The following CR1L variants were observed in gnomAD, a reference collection of about 807,000 sequenced individuals.
CR1L encodes complement C3b/C4b receptor 1 like.
A neutral mutation model predicts 62.3 loss-of-function variants in CR1L; 59 were observed. The ratio of observed to expected loss-of-function variants is 0.95; its 90% CI spans 0.77 to 1.18. The LOEUF (loss-of-function observed/expected upper bound fraction) is 1.18, where lower values mean the gene tolerates loss of function less well. Ranked by LOEUF, CR1L falls within the 50% of genes most tolerant of loss-of-function variation. The pLI is 0.00. For synonymous variants in CR1L, 279 were observed against 248.7 expected (o/e 1.12, Z -1.15); for missense variants, 700 against 702.8 (o/e 1.00, Z 0.04).
In CR1L at chr1:207,697,796, C is replaced by A. The variant is rs776535361; in HGVS notation, c.1065C>A (p.Gly355=). 6.2e-7 allele frequency: 1 copy of A among 1,613,994 alleles called. No individual in the cohort carries two copies. The highest frequency in any genetic ancestry group is 1.3e-5 in the African/African-American group (1 of 75,040). The change falls in exon 7 of 12, where the codon GGC becomes GGA. Residue 355 remains glycine, a synonymous_variant. Coordinates refer to ENST00000508064, the MANE Select transcript of CR1L (RefSeq NM_175710.2). ...CEVKSCDDFL[G]QLPNGHVLFP... ...TGAAATCCTGTGATGACTTCCTGGG[C>A]CAACTTCCTAATGGCCATGTGCTAT...
intron 5 of CR1L, among the ~76,000 whole-genome samples, chr1:207,696,451 C>T (rs1396375962): frequency 6.6e-6 from 1 of 152,180 alleles, no homozygotes. Flanking sequence ...GTTTCCATTG[C>T]TAGCAGCCAA....
chr1:207,722,691 C>G (rs1373310136), intron 11 of CR1L, among the ~76,000 whole-genome samples: 2 of 151,610 alleles, frequency 1.3e-5, no homozygotes, highest in Non-Finnish European at 2.9e-5. Context: ...ATGTGAACAC[C>G]CAATAAAAAG....
At chr1:207,701,771 G>A (rs1664196301) in intron 9 of CR1L, 153 bp downstream of exon 9, 1 of 1,068,368 alleles carries the variant, frequency 9.4e-7, no homozygotes, top group Non-Finnish European at 1.4e-6. Flanking sequence ...ACAAAGATAG[G>A]AGAAGATTAG....
intron 8 of CR1L, among the ~76,000 whole-genome samples, chr1:207,699,706 A>C (rs1664162335): frequency 6.6e-6 from 1 of 151,776 alleles, no homozygotes; most frequent in Non-Finnish European, 1.5e-5. Flanking sequence ...TATATATTTG[A>C]TAATACTCAA....
chr1:207,656,347 T>G (rs1002347640), intron 1 of CR1L, among the ~76,000 whole-genome samples: 2 of 152,228 alleles, frequency 1.3e-5, no homozygotes, highest in African/African-American at 2.4e-5. Flanking sequence ...AAAATGGATA[T>G]ATTTAAAAAT....
chr1:207,689,894 A>G (rs556423589), intron 4 of CR1L, among the ~76,000 whole-genome samples: 25 of 152,202 alleles, frequency 1.6e-4, no homozygotes, highest in Non-Finnish European at 5.9e-5. Context: ...GGTTATTAGC[A>G]TAATGCTATT....
chr1:207,663,097 C>A (rs527327156), intron 1 of CR1L, among the ~76,000 whole-genome samples: 71 of 152,332 alleles, frequency 4.7e-4, no homozygotes, highest in Middle Eastern at 6.8e-3. Context: ...GGGTCAGGGA[C>A]CCACTTGAGG....
intron 10 of CR1L, among the ~76,000 whole-genome samples, chr1:207,709,397 C>A (rs1664318197): frequency 6.7e-6 from 1 of 150,352 alleles, no homozygotes; most frequent in South Asian, 2.1e-4. Context: ...CAGAGCAAGA[C>A]CTTGTCTCAA....
intron 1 of CR1L, chr1:207,669,251 G>A (rs762590702): frequency 1.5e-5 from 7 of 463,932 alleles, no homozygotes; most frequent in Admixed American, 7.1e-5. Context: ...TAGAAACAAT[G>A]CAAATGGGGA....
At chr1:207,704,886 C>T (rs1558023792) in intron 9 of CR1L, among the ~76,000 whole-genome samples, 1 of 152,170 alleles carries the variant, frequency 6.6e-6, no homozygotes, top group African/African-American at 2.4e-5. Context: ...TGTTCTGGAA[C>T]TGAACCTGCA....
rs377236004 is a variant in CR1L, at chr1:207,694,346, T to C, written c.464-7T>C. On this transcript the variant is annotated splice_region_variant and splice_polypyrimidine_tract_variant and intron_variant, in intron 4 of 11. Transcript: ENST00000508064. ...TATTTAAATTGACTGTGCTCTTCCT[T>C]TCCCAGGAATTATTTGTGGGCTACC... The C allele has an allele frequency of 9.3e-6, 15 of 1,613,864 alleles. No homozygotes were observed. In the African/African-American group the frequency reaches 1.9e-4, roughly 20 times the overall value.
chr1:207,694,053 C>T (rs1408048622), intron 4 of CR1L, among the ~76,000 whole-genome samples: 2 of 151,904 alleles, frequency 1.3e-5, no homozygotes, highest in Non-Finnish European at 2.9e-5. Context: ...ATTAAGAAAG[C>T]AAATGAAAAG....
chr1:207,696,996 G>A (rs753192621), intron 5 of CR1L, among the ~76,000 whole-genome samples: 3 of 152,200 alleles, frequency 2.0e-5, no homozygotes, highest in African/African-American at 7.2e-5. Flanking sequence ...GGTGGCCGCT[G>A]AGAGAAGACT....
intron 4 of CR1L, among the ~76,000 whole-genome samples, chr1:207,693,412 C>G (rs1664025657): frequency 6.6e-6 from 1 of 152,226 alleles, no homozygotes; most frequent in Non-Finnish European, 1.5e-5. Context: ...GCCACCACGC[C>G]AGGCCTGTAT....
At chr1:207,685,263 A>C (rs1475654116) in intron 4 of CR1L, among the ~76,000 whole-genome samples, 25 of 152,232 alleles carry the variant, frequency 1.6e-4, no homozygotes, top group Non-Finnish European at 3.7e-4. Context: ...TTTACAATAC[A>C]TGCTTTTGAC....
intron 1 of CR1L, among the ~76,000 whole-genome samples, chr1:207,672,070 AGG>A (rs1663622988): frequency 6.6e-6 from 1 of 151,122 alleles, no homozygotes; most frequent in Non-Finnish European, 1.5e-5. Context: ...AATGATCTAA[AGG>A]CACCAATTGA....
At chr1:207,709,834 A>AG (rs1400025718) in intron 10 of CR1L, among the ~76,000 whole-genome samples, 2 of 148,702 alleles carry the variant, frequency 1.3e-5, no homozygotes, top group Admixed American at 6.7e-5. Flanking sequence ...CTCTGTCTCA[A>AG]AAAAAAAAAA....
At chr1:207,646,416 A>C (rs1044167454) in intron 1 of CR1L, among the ~76,000 whole-genome samples, 1 of 152,156 alleles carries the variant, frequency 6.6e-6, no homozygotes, top group Non-Finnish European at 1.5e-5. Context: ...AATATTTTTA[A>C]AAATGCATGC....
intron 10 of CR1L, among the ~76,000 whole-genome samples, chr1:207,716,493 A>AT (rs148324780): frequency 0.041 from 6,263 of 152,214 alleles, 178 homozygotes; most frequent in Non-Finnish European, 0.065. Context: ...GCAAGGCATG[A>AT]TTTTTTTAAA....
Sources: gnomAD v4.1 joint callset for allele counts (sites outside exome capture counted in the v4.1 genomes callset) on GRCh38, gnomAD v4.1.1 for gene constraint, MANE v1.5 for transcripts, NCBI Gene and HGNC (gene_info 2026-07-23, HGNC 2026-07-21) for gene names.